NFIB: variants seen among roughly 807,000 people sequenced by gnomAD.
NFIB encodes nuclear factor I B, also known as nuclear factor 1 B-type.
In NFIB, 11 loss-of-function variants were observed where a neutral mutation model predicts 61.5. That is an observed-to-expected ratio of 0.18 (90% CI 0.11 to 0.30). The LOEUF (loss-of-function observed/expected upper bound fraction) is 0.30, where lower values mean the gene tolerates loss of function less well. Ranked by LOEUF, NFIB falls within the 10% of genes least tolerant of loss-of-function variation. The probability of loss-of-function intolerance (pLI) is 1.00; values close to 1 mark genes in which losing one functional copy is unlikely to be tolerated. For synonymous variants in NFIB, 260 were observed against 216.5 expected, an observed-to-expected ratio of 1.20 and a Z score of -1.76; for missense variants, 471 against 608.9, an observed-to-expected ratio of 0.77 and a Z score of 2.38.
intron 1 of NFIB, among the ~76,000 whole-genome samples, chr9:14,379,412 T>C (rs762476423): frequency 1.4e-4 from 21 of 152,262 alleles, no homozygotes; most frequent in Non-Finnish European, 2.6e-4. Flanking sequence ...AACCTCTTTA[T>C]GGTTTCACCA....
chr9:14,136,148 C>A (rs1289006937), intron 6 of NFIB, among the ~76,000 whole-genome samples: 1 of 152,118 alleles, frequency 6.6e-6, no homozygotes, highest in African/African-American at 2.4e-5. Context: ...AGTGCTAAAA[C>A]AGTGAATATG....
At chr9:14,427,551 A>T in the NFIB span, among the ~76,000 whole-genome samples, 1 of 152,174 alleles carries the variant, frequency 6.6e-6, no homozygotes, top group South Asian at 2.1e-4. Context: ...ACACTCCACT[A>T]TGCTACACTA....
At chr9:14,414,922 T>G in the NFIB span, among the ~76,000 whole-genome samples, 1 of 152,186 alleles carries the variant, frequency 6.6e-6, no homozygotes, top group African/African-American at 2.4e-5. Context: ...CAAATGGCCA[T>G]TCTATTAGTT....
At chr9:14,194,964 T>A (rs2048321260) in intron 2 of NFIB, among the ~76,000 whole-genome samples, 1 of 152,046 alleles carries the variant, frequency 6.6e-6, no homozygotes, top group South Asian at 2.1e-4. Flanking sequence ...TCTCTCTCTC[T>A]CTCTCTTTCA....
the NFIB span, among the ~76,000 whole-genome samples, chr9:14,462,776 A>G: frequency 1.3e-5 from 2 of 152,254 alleles, no homozygotes; most frequent in African/African-American, 4.8e-5. Context: ...CTAGGCTCAT[A>G]TAATAGGTGT....
chr9:14,098,090 TAA>T (rs751440353), intron 10 of NFIB, among the ~76,000 whole-genome samples: 1 of 152,280 alleles, frequency 6.6e-6, no homozygotes, highest in East Asian at 1.9e-4. Flanking sequence ...AAATAGCTGA[TAA>T]AAGTCTCTTT....
rs117091381 is a variant in NFIB, at chr9:14,208,834, C to T, written c.563-29054G>A. On this transcript the variant is annotated intron_variant, in intron 2 of 10. Coordinates refer to ENST00000380953, the MANE Select transcript of NFIB (RefSeq NM_001190737.2). The stretch of plus-strand genomic sequence containing the variant: ...TCTCAAACAACTCCAGTATTAAATT[C>T]ATCTAGACCCACTGATTCACTCAGT... Among the ~76,000 whole-genome samples the T allele has an allele frequency of 2.3e-3, 347 of 152,254 alleles. 2 individuals are homozygous for T. The highest frequency in any genetic ancestry group is 3.6e-3 in the Non-Finnish European group (245 of 68,008).
At chr9:14,378,500 G>T (rs1051452124) in intron 1 of NFIB, among the ~76,000 whole-genome samples, 1 of 152,136 alleles carries the variant, frequency 6.6e-6, no homozygotes, top group Non-Finnish European at 1.5e-5. Context: ...GGGACTATAG[G>T]CACGCGCCAC....
At chr9:14,195,542 T>C (rs559955232) in intron 2 of NFIB, among the ~76,000 whole-genome samples, 3 of 152,374 alleles carry the variant, frequency 2.0e-5, no homozygotes, top group African/African-American at 7.2e-5. Context: ...TTTTATTGTG[T>C]TGCCACTTCA....
chr9:14,518,141 T>C, the NFIB span, among the ~76,000 whole-genome samples: 1 of 152,378 alleles, frequency 6.6e-6, no homozygotes, highest in Middle Eastern at 3.4e-3. Context: ...TTTGGGTCTA[T>C]ATGCCATTGG....
rs146845682 is a variant in NFIB at position 14,253,040 on chromosome 9, C to T, written c.562+53949G>A. Among the ~76,000 whole-genome samples, 81 of 152,276 alleles carry T rather than the reference C, an allele frequency of 5.3e-4. No individual in the cohort carries two copies. In the East Asian group the frequency reaches 0.014, roughly 27 times the overall value. ...AAAAGACCAAAAACAATTATTTTTACATCAATGCTTCATAATTTTCATTCA... is the reference window on the plus strand; with the variant it reads ...AAAAGACCAAAAACAATTATTTTTATATCAATGCTTCATAATTTTCATTCA... On this transcript the variant is annotated intron_variant, in intron 2 of 10. Coordinates refer to ENST00000380953, the MANE Select transcript of NFIB (RefSeq NM_001190737.2).
At chr9:14,514,926 C>T in the NFIB span, among the ~76,000 whole-genome samples, 1 of 152,070 alleles carries the variant, frequency 6.6e-6, no homozygotes. Context: ...AGTTGAGAAC[C>T]ACTGGGCTAA....
At chr9:14,255,702 T>C (rs1337504289) in intron 2 of NFIB, among the ~76,000 whole-genome samples, 3 of 152,174 alleles carry the variant, frequency 2.0e-5, no homozygotes, top group Non-Finnish European at 2.9e-5. Context: ...ATACTTGGAG[T>C]GTTTAGACTC....
chr9:14,159,566 T>C (rs2131257168), intron 3 of NFIB, among the ~76,000 whole-genome samples: 1 of 152,294 alleles, frequency 6.6e-6, no homozygotes, highest in South Asian at 2.1e-4. Context: ...GGCTGCCACC[T>C]TCATGCATCT....
In NFIB at chr9:14,150,277, G is replaced by A; in HGVS notation, c.686-12C>T. The A allele has an allele frequency of 1.2e-6, 2 of 1,613,056 alleles. No homozygotes were observed. The highest frequency in any genetic ancestry group is 1.7e-6 in the Non-Finnish European group (2 of 1,179,292). On this transcript the variant is annotated splice_polypyrimidine_tract_variant and intron_variant, in intron 4 of 10. Transcript: ENST00000380953. ...CTGGGTTATGGGCGCTGAGGAATAA[G>A]ACAAAGAAGCACTGGGAATGACATT...
At chr9:14,299,632 A>G (rs1227088713) in intron 2 of NFIB, among the ~76,000 whole-genome samples, 1 of 152,202 alleles carries the variant, frequency 6.6e-6, no homozygotes, top group African/African-American at 2.4e-5. Flanking sequence ...CTGAAAATAC[A>G]CAACCTCCAG....
At chr9:14,368,437 T>C (rs1440806233) in intron 1 of NFIB, among the ~76,000 whole-genome samples, 4 of 152,206 alleles carry the variant, frequency 2.6e-5, no homozygotes, top group African/African-American at 9.6e-5. Context: ...CTTCCAAAAA[T>C]GATGTGAGGT....
At chr9:14,363,764 C>G (rs1013240638) in intron 1 of NFIB, among the ~76,000 whole-genome samples, 1 of 152,056 alleles carries the variant, frequency 6.6e-6, no homozygotes, top group Non-Finnish European at 1.5e-5. Flanking sequence ...CATATATTAA[C>G]TTTTCACTTA....
intron 2 of NFIB, among the ~76,000 whole-genome samples, chr9:14,216,492 TTC>T (rs993666009): frequency 1.1e-4 from 12 of 110,740 alleles, no homozygotes; most frequent in African/African-American, 4.4e-4. Context: ...TCTCCATTCT[TTC>T]TCTCTCTCTC....
Sources: allele counts gnomAD v4.1 joint callset (sites outside exome capture counted in the v4.1 genomes callset), GRCh38; gene constraint gnomAD v4.1.1; transcripts MANE v1.5; gene names NCBI Gene and HGNC (gene_info 2026-07-23, HGNC 2026-07-21).